Variants in ZMYND8 observed in about 807,000 individuals in gnomAD.
ZMYND8 encodes zinc finger MYND-type containing 8.
In ZMYND8, 37 loss-of-function variants were observed where a neutral mutation model predicts 140.8. That is an observed-to-expected ratio of 0.26 (90% CI 0.20 to 0.35). The LOEUF is 0.35. Ranked by LOEUF, ZMYND8 falls within the 10% of genes least tolerant of loss-of-function variation. The pLI is 1.00. For missense variants in ZMYND8, 1,068 were observed against 1,570.0 expected, an observed-to-expected ratio of 0.68 and a Z score of 5.40; for synonymous variants, 592 against 597.1, an observed-to-expected ratio of 0.99 and a Z score of 0.12.
At chr20:47,282,326 T>A (rs890714828) in intron 9 of ZMYND8, 109 bp from the exon 10 acceptor site, 5 of 893,746 alleles carry the variant, frequency 5.6e-6, no homozygotes, top group Non-Finnish European at 5.1e-6. Flanking sequence ...AGGCCATGAG[T>A]GGAAAAAGAG....
At chr20:47,292,412 C>T (rs182740885) in intron 5 of ZMYND8, among the ~76,000 whole-genome samples, 1 of 151,638 alleles carries the variant, frequency 6.6e-6, no homozygotes, top group African/African-American at 2.4e-5. Context: ...AAAAATTATA[C>T]CATAGCAAAA....
intron 11 of ZMYND8, among the ~76,000 whole-genome samples, chr20:47,268,917 A>G (rs2147680527): frequency 6.6e-6 from 1 of 152,190 alleles, no homozygotes; most frequent in South Asian, 2.1e-4. Flanking sequence ...GAGATATGAC[A>G]AGGCCGGACG....
At chr20:47,292,757 CT>C (rs2077346621) in intron 5 of ZMYND8, among the ~76,000 whole-genome samples, 1 of 152,052 alleles carries the variant, frequency 6.6e-6, no homozygotes, top group Admixed American at 6.6e-5. Context: ...GCAAGTTTCT[CT>C]TCATCTGTAG....
At position 47,246,286 on chromosome 20, in the gene ZMYND8, T is replaced by C; in HGVS notation, c.2006A>G (p.Lys669Arg). The stretch of plus-strand genomic sequence containing the variant: ...CTTCTCGCTGGCTGGTGACGTGCTT[T>C]TCAGCTCCTCTTTAATCTCCACTGG... ...TNPVEIKEEL[K>R]STSPASEKAD... The change falls in exon 14 of 23, where the codon AAA becomes AGA. Residue 669 changes from lysine (K) to arginine (R), a missense_variant. By Grantham distance (26) the Lys-to-Arg change is conservative. Transcript: ENST00000471951. 6.2e-7 allele frequency: 1 copy of C among 1,614,212 alleles called. No individual in the cohort carries two copies. Among genetic ancestry groups the C allele is most frequent in the South Asian group, 1.1e-5 (1 of 91,088 alleles).
At chr20:47,271,052 G>A (rs2075910722) in intron 11 of ZMYND8, among the ~76,000 whole-genome samples, 4 of 152,038 alleles carry the variant, frequency 2.6e-5, no homozygotes, top group Admixed American at 2.0e-4. Flanking sequence ...ACTCCAGCCT[G>A]GACGACAGAG....
At chr20:47,340,345 G>C (rs949324380) in intron 2 of ZMYND8, among the ~76,000 whole-genome samples, 5 of 152,156 alleles carry the variant, frequency 3.3e-5, no homozygotes, top group Non-Finnish European at 7.3e-5. Flanking sequence ...TTGAAACCAT[G>C]GTGCGCACTT....
chr20:47,247,443 A>G (rs1165151365), intron 13 of ZMYND8, among the ~76,000 whole-genome samples: 1 of 152,210 alleles, frequency 6.6e-6, no homozygotes, highest in Non-Finnish European at 1.5e-5. Context: ...GAAGTCACAT[A>G]CTTCTGTCTC....
At chr20:47,221,610 G>A in intron 19 of ZMYND8, 136 bp from the exon 20 acceptor site, 1 of 1,118,140 alleles carries the variant, frequency 8.9e-7, no homozygotes, top group South Asian at 1.9e-5. Context: ...GAGGCTCAAG[G>A]GGGCCAGATT....
chr20:47,255,681 G>C (rs1458241605), intron 12 of ZMYND8, among the ~76,000 whole-genome samples: 1 of 117,426 alleles, frequency 8.5e-6, no homozygotes, highest in Non-Finnish European at 1.7e-5. Context: ...TGGTGTATGT[G>C]TGTGTGTGTA....
intron 2 of ZMYND8, among the ~76,000 whole-genome samples, chr20:47,338,630 G>C (rs2081576995): frequency 6.6e-6 from 1 of 152,144 alleles, no homozygotes; most frequent in Non-Finnish European, 1.5e-5. Flanking sequence ...GGCTCCGGCA[G>C]AAAGGTGCTC....
At chr20:47,294,801 T>C (rs2077536165) in intron 4 of ZMYND8, 22 bp from the exon 5 acceptor site, 6 of 1,602,198 alleles carry the variant, frequency 3.7e-6, no homozygotes, top group South Asian at 1.1e-5. Context: ...AAGTCATACA[T>C]AAACGTCCGG....
At chr20:47,348,819 T>C (rs1189823285) in intron 1 of ZMYND8, 1 of 151,904 alleles carries the variant, frequency 6.6e-6, no homozygotes, top group African/African-American at 2.4e-5. Context: ...AGGGAAAAAA[T>C]AGAGTTCTGC....
chr20:47,227,738 A>C (rs1326497807), intron 17 of ZMYND8, among the ~76,000 whole-genome samples: 2 of 152,210 alleles, frequency 1.3e-5, no homozygotes, highest in Admixed American at 6.5e-5. Context: ...CTTTGGATCC[A>C]AACTCATTTG....
intron 2 of ZMYND8, among the ~76,000 whole-genome samples, chr20:47,324,351 T>C (rs367711443): frequency 1.7e-4 from 26 of 151,364 alleles, no homozygotes; most frequent in African/African-American, 5.6e-4. Context: ...ACCCCATCTC[T>C]ACTAAAAAAT....
In ZMYND8 at chr20:47,339,337, C is replaced by T. The variant is rs141332304; in HGVS notation, c.85+8519G>A. Among the ~76,000 whole-genome samples, 557 of 152,308 alleles carry T rather than the reference C, an allele frequency of 3.7e-3. 5 individuals carry two copies. Among genetic ancestry groups the T allele is most frequent in the African/African-American group, 0.013 (520 of 41,582 alleles). On this transcript the variant is annotated intron_variant, in intron 2 of 22. Coordinates refer to ENST00000471951, the MANE Select transcript of ZMYND8 (RefSeq NM_001281775.3). ...CGGGCATGGTTTCCTCATCTGCCTC[C>T]AGACCTTCTTCCTAGAGGCTGCAAG...
intron 14 of ZMYND8, among the ~76,000 whole-genome samples, chr20:47,240,352 C>G (rs1416193388): frequency 6.6e-6 from 1 of 151,602 alleles, no homozygotes; most frequent in Non-Finnish European, 1.5e-5. Flanking sequence ...CCGTCTCTAC[C>G]GAAAATACAA....
At chr20:47,238,720 A>AG (rs1440814464) in intron 15 of ZMYND8, 38 bp downstream of exon 15, 3 of 1,578,302 alleles carry the variant, frequency 1.9e-6, no homozygotes. Context: ...GCAAAATGGG[A>AG]GCGGGCGCCA....
intron 15 of ZMYND8, chr20:47,238,445 G>A (rs891887518): frequency 2.6e-4 from 116 of 451,714 alleles, no homozygotes; most frequent in African/African-American, 2.2e-3. Context: ...GGCCACTGTG[G>A]AAGGGAAGAG....
intron 2 of ZMYND8, among the ~76,000 whole-genome samples, chr20:47,332,265 T>C (rs750760326): frequency 1.3e-5 from 2 of 151,906 alleles, no homozygotes; most frequent in Non-Finnish European, 1.5e-5. Flanking sequence ...GAGCCAAAAT[T>C]GTGCCACTGC....
Sources: allele counts gnomAD v4.1 joint callset (sites outside exome capture counted in the v4.1 genomes callset), GRCh38; gene constraint gnomAD v4.1.1; transcripts MANE v1.5; gene names NCBI Gene and HGNC (gene_info 2026-07-23, HGNC 2026-07-21).